The following GTF2I variants were observed in gnomAD, a reference collection of about 807,000 sequenced individuals.
GTF2I encodes the protein general transcription factor IIi.
GTF2I carries 12 observed loss-of-function variants against 67.6 expected under a neutral mutation model. The ratio of observed to expected loss-of-function variants is 0.18; its 90% CI spans 0.11 to 0.29. The LOEUF (loss-of-function observed/expected upper bound fraction) is 0.29. Among genes scored for constraint, GTF2I ranks in the 10% least tolerant of loss-of-function variants. The probability of loss-of-function intolerance (pLI) is 1.00; values close to 1 mark genes in which losing one functional copy is unlikely to be tolerated. For missense variants in GTF2I, 271 were observed against 580.1 expected, an observed-to-expected ratio of 0.47 and a Z score of 5.47; for synonymous variants, 149 against 197.0, an observed-to-expected ratio of 0.76 and a Z score of 2.04.
At chr7:74,718,133 C>T (rs895566453) in intron 11 of GTF2I, among the ~76,000 whole-genome samples, 3 of 152,178 alleles carry the variant, frequency 2.0e-5, no homozygotes, top group East Asian at 1.9e-4. Context: ...TTGAAGACTG[C>T]GTTTTTAGGA....
At chr7:74,661,047 A>C (rs587622583) in intron 1 of GTF2I, among the ~76,000 whole-genome samples, 2 of 152,308 alleles carry the variant, frequency 1.3e-5, no homozygotes, top group African/African-American at 4.8e-5. Flanking sequence ...ATTCTATTCT[A>C]TAGAGCGGAA....
At chr7:74,710,902 CA>C in intron 8 of GTF2I, 129 bp from the exon 9 acceptor site, 1 of 511,058 alleles carries the variant, frequency 2.0e-6, no homozygotes, top group Non-Finnish European at 3.5e-6. Context: ...TTTGTCTTTT[CA>C]AAGACGTAAA....
chr7:74,715,658 TA>T (rs1554403484), intron 10 of GTF2I, among the ~76,000 whole-genome samples: 1 of 151,914 alleles, frequency 6.6e-6, no homozygotes, highest in Non-Finnish European at 1.5e-5. Flanking sequence ...ATATTAAGAT[TA>T]AAAAAAGAGA....
rs781795612 is a variant in GTF2I, at chr7:74,700,265, C to G, written c.392C>G (p.Ser131Cys). 6.2e-7 allele frequency: 1 copy of G among 1,614,022 alleles called. No individual in the cohort carries two copies. The highest frequency in any genetic ancestry group is 8.5e-7 in the Non-Finnish European group (1 of 1,179,986). ...GCCCCAGGGAAAGCTTTAGGCAAATCCACAGTGGTACCTGTACCATATGAG... is the reference window on the plus strand; with the variant it reads ...GCCCCAGGGAAAGCTTTAGGCAAATGCACAGTGGTACCTGTACCATATGAG... ...CFCYGKALGK[S>C]TVVPVPYEKM... The change falls in exon 5 of 35, where the codon TCC (serine) becomes TGC (cysteine). Residue 131 changes from serine to cysteine, a missense_variant. Ser to Cys is a moderately radical substitution (Grantham distance 112). This residue lies in a region of GTF2I where 38 missense variants were observed against 87.8 expected (regional missense o/e 0.43). Coordinates refer to ENST00000573035, the MANE Select transcript of GTF2I (RefSeq NM_032999.4).
At position 74,714,976 on chromosome 7, in the gene GTF2I, T is replaced by C. The variant is rs1792083533; in HGVS notation, c.823+60T>C. 12 of 983,362 alleles carry C rather than the reference T, an allele frequency of 1.2e-5. No individual in the cohort carries two copies. In the East Asian group the frequency reaches 3.1e-4, roughly 25 times the overall value. The allele number at this position is 983,362 out of a possible 1,614,324, so 60.9% of individuals were successfully genotyped here. A position where few individuals can be genotyped will look rare whatever the true frequency, so the allele number is the denominator to read the frequency against. ...GCTTGTGTTTAATGTTTCCTTATAT[T>C]GCACAGACTGTGTTTTAATATTTAT... On this transcript the variant is annotated intron_variant, in intron 10 of 34. Transcript: ENST00000573035.
chr7:74,708,037 C>G (rs1199182274), intron 8 of GTF2I, among the ~76,000 whole-genome samples: 1 of 152,110 alleles, frequency 6.6e-6, no homozygotes, highest in Non-Finnish European at 1.5e-5. Context: ...CAGTGGCTCA[C>G]ACCTGTAATC....
intron 29 of GTF2I, 75 bp downstream of exon 29, chr7:74,753,252 A>G (rs1795934917): frequency 6.2e-7 from 1 of 1,604,614 alleles, no homozygotes; most frequent in East Asian, 2.2e-5. Context: ...TCAGCAGATG[A>G]TGGTTGGATG....
intron 6 of GTF2I, 36 bp from the exon 7 acceptor site, chr7:74,705,128 G>GA (rs1554400975): frequency 1.4e-6 from 2 of 1,388,658 alleles, no homozygotes; most frequent in East Asian, 4.6e-5. Context: ...TTGAAATGTT[G>GA]AAAAACTAAC....
At chr7:74,702,184 C>T (rs1429802137) in intron 6 of GTF2I, among the ~76,000 whole-genome samples, 2 of 151,466 alleles carry the variant, frequency 1.3e-5, no homozygotes, top group Admixed American at 6.6e-5. Flanking sequence ...TGGATATTTA[C>T]GTAGGAGTGC....
chr7:74,668,331 T>TTGTGTG (rs71094802), intron 1 of GTF2I, among the ~76,000 whole-genome samples: 32 of 147,842 alleles, frequency 2.2e-4, no homozygotes, highest in Admixed American at 1.7e-3. Flanking sequence ...GCAAAGCCCA[T>TTGTGTG]TGTGTGTGTG....
chr7:74,670,039 A>G (rs1196350204), intron 1 of GTF2I, among the ~76,000 whole-genome samples: 1 of 152,208 alleles, frequency 6.6e-6, no homozygotes, highest in Admixed American at 6.6e-5. Flanking sequence ...TTGTTGGGAA[A>G]TAAGCTATTT....
intron 1 of GTF2I, among the ~76,000 whole-genome samples, chr7:74,662,264 T>G (rs1460159339): frequency 4.0e-4 from 54 of 135,322 alleles, no homozygotes; most frequent in Non-Finnish European, 6.8e-4. Flanking sequence ...CAGGCTGGAG[T>G]GCAATGGCAC....
chr7:74,676,848 G>C (rs975079231), intron 1 of GTF2I, among the ~76,000 whole-genome samples: 1 of 152,078 alleles, frequency 6.6e-6, no homozygotes, highest in African/African-American at 2.4e-5. Context: ...TTGAGGTCAG[G>C]AGTTCAAGAC....
chr7:74,702,663 G>T (rs1487889260), intron 6 of GTF2I, among the ~76,000 whole-genome samples: 7 of 151,902 alleles, frequency 4.6e-5, no homozygotes, highest in African/African-American at 7.3e-5. Context: ...ATGTGAAGTG[G>T]TATCTAATTT....
At chr7:74,672,464 C>T (rs907856050) in intron 1 of GTF2I, among the ~76,000 whole-genome samples, 5 of 151,922 alleles carry the variant, frequency 3.3e-5, no homozygotes, top group East Asian at 3.9e-4. Flanking sequence ...CACTTGGACC[C>T]GGAAAGCAGA....
intron 1 of GTF2I, among the ~76,000 whole-genome samples, chr7:74,679,910 A>AT (rs1180979210): frequency 6.6e-6 from 1 of 151,474 alleles, no homozygotes; most frequent in Non-Finnish European, 1.5e-5. Context: ...GTGAAACCCC[A>AT]TTTTTACTAA....
At chr7:74,731,743 C>G (rs1238054985) in intron 14 of GTF2I, among the ~76,000 whole-genome samples, 1 of 148,858 alleles carries the variant, frequency 6.7e-6, no homozygotes, top group Non-Finnish European at 1.5e-5. Flanking sequence ...CAAGGTTTCA[C>G]CATGTTGGCC....
intron 6 of GTF2I, among the ~76,000 whole-genome samples, chr7:74,702,908 C>T (rs1028099280): frequency 6.6e-6 from 1 of 151,640 alleles, no homozygotes; most frequent in Non-Finnish European, 1.5e-5. Context: ...CATTTCTGAA[C>T]CTTTTTTTGG....
intron 8 of GTF2I, among the ~76,000 whole-genome samples, chr7:74,709,111 G>C (rs1215185841): frequency 6.6e-6 from 1 of 152,200 alleles, no homozygotes; most frequent in African/African-American, 2.4e-5. Context: ...CCACACAGAA[G>C]AGAATAGTTA....
Sources: allele counts gnomAD v4.1 joint callset (sites outside exome capture counted in the v4.1 genomes callset), GRCh38; gene constraint gnomAD v4.1.1; regional missense constraint gnomAD v4.1.1; transcripts MANE v1.5; gene names NCBI Gene and HGNC (gene_info 2026-07-23, HGNC 2026-07-21).